The following RNF216 variants were observed in gnomAD, a reference collection of about 807,000 sequenced individuals.
The protein encoded by RNF216 is ring finger protein 216.
In RNF216, 72 loss-of-function variants were observed where a neutral mutation model predicts 110.8. That is an observed-to-expected ratio of 0.65 (90% CI 0.54 to 0.79). The LOEUF (loss-of-function observed/expected upper bound fraction) is 0.79, where lower values mean the gene tolerates loss of function less well. RNF216 is among the 30% of genes least tolerant of loss of function. The probability of loss-of-function intolerance (pLI) is 0.00; values close to 1 mark genes in which losing one functional copy is unlikely to be tolerated. For synonymous variants in RNF216, 495 were observed against 407.5 expected, an observed-to-expected ratio of 1.21 and a Z score of -2.59; for missense variants, 1,342 against 1,141.2, an observed-to-expected ratio of 1.18 and a Z score of -2.54.
intron 14 of RNF216, among the ~76,000 whole-genome samples, chr7:5,647,090 G>T (rs549692585): frequency 5.3e-5 from 8 of 151,744 alleles, no homozygotes; most frequent in African/African-American, 1.7e-4. Flanking sequence ...CTGGGAGGCT[G>T]TTTCAGCCCT....
At chr7:5,704,454 G>A (rs1792161319) in intron 13 of RNF216, among the ~76,000 whole-genome samples, 1 of 152,202 alleles carries the variant, frequency 6.6e-6, no homozygotes, top group Non-Finnish European at 1.5e-5. Flanking sequence ...AGGAGAATTT[G>A]CACAACTGAG....
At chr7:5,765,097 T>G (rs565504847) in intron 1 of RNF216, among the ~76,000 whole-genome samples, 1 of 141,108 alleles carries the variant, frequency 7.1e-6, no homozygotes, top group Admixed American at 7.1e-5. Flanking sequence ...AAGGATGGGA[T>G]AAAACAATTT....
At chr7:5,642,938 C>T (rs1311969221) in intron 14 of RNF216, among the ~76,000 whole-genome samples, 4 of 151,976 alleles carry the variant, frequency 2.6e-5, no homozygotes, top group Non-Finnish European at 4.4e-5. Flanking sequence ...GGCTGACTTT[C>T]CCTGGGAAGC....
intron 8 of RNF216, among the ~76,000 whole-genome samples, chr7:5,723,027 T>A (rs1442743057): frequency 6.6e-6 from 1 of 152,190 alleles, no homozygotes; most frequent in Non-Finnish European, 1.5e-5. Flanking sequence ...ACAGTAAGCT[T>A]TGAAGCCAGA....
At chr7:5,689,053 A>G (rs1361600001) in intron 13 of RNF216, among the ~76,000 whole-genome samples, 1 of 152,176 alleles carries the variant, frequency 6.6e-6, no homozygotes, top group Non-Finnish European at 1.5e-5. Flanking sequence ...TCTCTCATAA[A>G]AGAACAGGCT....
chr7:5,651,281 T>C (rs1397730621), intron 14 of RNF216, among the ~76,000 whole-genome samples: 2 of 151,942 alleles, frequency 1.3e-5, no homozygotes, highest in Non-Finnish European at 2.9e-5. Context: ...TGTAGTGTTG[T>C]AGTGGTGCGA....
intron 2 of RNF216, among the ~76,000 whole-genome samples, chr7:5,756,687 C>A (rs1795661392): frequency 6.6e-6 from 1 of 152,216 alleles, no homozygotes; most frequent in South Asian, 2.1e-4. Flanking sequence ...ATAGCATGAA[C>A]ACAAGTTCTC....
At chr7:5,714,119 C>T (rs1792891427) in intron 11 of RNF216, among the ~76,000 whole-genome samples, 1 of 152,194 alleles carries the variant, frequency 6.6e-6, no homozygotes, top group Non-Finnish European at 1.5e-5. Flanking sequence ...CCCACCACCA[C>T]ACCTGGCTAA....
intron 13 of RNF216, among the ~76,000 whole-genome samples, chr7:5,657,775 T>C (rs1788840408): frequency 6.6e-6 from 1 of 152,114 alleles, no homozygotes; most frequent in African/African-American, 2.4e-5. Flanking sequence ...AGAAAGACAC[T>C]GATTTTAAGA....
intron 1 of RNF216, among the ~76,000 whole-genome samples, chr7:5,776,946 AAAAAAGAAAGAAAGAAAG>A (rs1176069237): frequency 3.3e-5 from 4 of 120,406 alleles, no homozygotes; most frequent in Non-Finnish European, 7.1e-5. Context: ...GAGAGAGAGA[AAAAAAGAAAGAAAGAAAG>A]AAAAAGAAAG....
chr7:5,767,936 G>C (rs1796288896), intron 1 of RNF216, among the ~76,000 whole-genome samples: 2 of 152,114 alleles, frequency 1.3e-5, no homozygotes, highest in Admixed American at 1.3e-4. Context: ...AACCAAAGTA[G>C]AGGAATGCTG....
Position 5,715,060 on chromosome 7 carries a change from G to A in RNF216, c.1826C>T (p.Ser609Phe). Residue 609 changes from serine (S) to phenylalanine (F), a missense_variant, in exon 11 of 17, where the codon TCT becomes TTT. Transcript: ENST00000389902. Reference sequence around the variant, plus strand: ...ATATTACACAGTTCTTACCTTTCCAGATCCAAAGACTGCCTCTTGGGCATA... The same window carrying A: ...ATATTACACAGTTCTTACCTTTCCAAATCCAAAGACTGCCTCTTGGGCATA... ...IRYAQEAVFG[S>F]GKLELSCMEG... The A allele has an allele frequency of 6.2e-7, 1 of 1,612,666 alleles. No homozygotes were observed. The highest frequency in any genetic ancestry group is 8.5e-7 in the Non-Finnish European group (1 of 1,179,380).
intron 9 of RNF216, among the ~76,000 whole-genome samples, chr7:5,719,799 C>T (rs1015054807): frequency 2.0e-5 from 3 of 152,180 alleles, no homozygotes; most frequent in Non-Finnish European, 4.4e-5. Context: ...GTTTTTCTGT[C>T]ACTTTTTTCC....
chr7:5,682,143 C>G (rs1023523082), intron 13 of RNF216, among the ~76,000 whole-genome samples: 1 of 152,218 alleles, frequency 6.6e-6, no homozygotes, highest in Non-Finnish European at 1.5e-5. Context: ...TAGGAAAAAC[C>G]GTTGGCTTTC....
chr7:5,707,613 C>T (rs945896051), intron 13 of RNF216, among the ~76,000 whole-genome samples: 1 of 151,538 alleles, frequency 6.6e-6, no homozygotes, highest in African/African-American at 2.4e-5. Context: ...TGCCAAATAG[C>T]TCTAGCTAGG....
chr7:5,707,231 G>A (rs1792351768), intron 13 of RNF216, among the ~76,000 whole-genome samples: 1 of 152,128 alleles, frequency 6.6e-6, no homozygotes, highest in African/African-American at 2.4e-5. Flanking sequence ...AGACTGTCTA[G>A]GATATTTGGG....
chr7:5,641,366 T>A lies in RNF216; in HGVS notation c.2170A>T (p.Met724Leu). ...CATTTTCTAATGCGGGCAGCAGTCA[T>A]TTTTTCTTCACTGAAATAAGAAAAC... is the stretch of plus-strand genomic sequence containing the variant. ...IKYRTSIEEK[M>L]TAARIRKCHK... The change falls in exon 15 of 17, where the codon ATG (methionine) becomes TTG (leucine). Residue 724 changes from methionine to leucine, a missense_variant. Met to Leu is a conservative substitution (Grantham distance 15, BLOSUM62 2). Transcript: ENST00000389902. 6.2e-7 allele frequency: 1 copy of A among 1,611,956 alleles called. No individual in the cohort carries two copies. The highest frequency in any genetic ancestry group is 8.5e-7 in the Non-Finnish European group (1 of 1,178,606).
chr7:5,637,218 G>T (rs954577034), intron 15 of RNF216, among the ~76,000 whole-genome samples: 2 of 152,232 alleles, frequency 1.3e-5, no homozygotes, highest in African/African-American at 4.8e-5. Context: ...CTGTCACACA[G>T]GGGCACGGCC....
At chr7:5,629,211 A>T (rs1292618347) in intron 15 of RNF216, among the ~76,000 whole-genome samples, 1 of 151,122 alleles carries the variant, frequency 6.6e-6, no homozygotes, top group African/African-American at 2.4e-5. Flanking sequence ...AAAAAAAAAA[A>T]AGTGAAGACA....
Sources: gnomAD v4.1 joint callset for allele counts (sites outside exome capture counted in the v4.1 genomes callset) on GRCh38, gnomAD v4.1.1 for gene constraint, MANE v1.5 for transcripts, NCBI Gene and HGNC (gene_info 2026-07-23, HGNC 2026-07-21) for gene names.